OSBPL10: variants seen among roughly 807,000 people sequenced by gnomAD.
OSBPL10 encodes oxysterol binding protein like 10.
In OSBPL10, 49 loss-of-function variants were observed where a neutral mutation model predicts 81.7. The observed-to-expected ratio is 0.60, with a 90% CI of 0.48 to 0.76. OSBPL10 has a LOEUF of 0.76. OSBPL10 is among the 30% of genes least tolerant of loss of function. The probability of loss-of-function intolerance (pLI) is 0.00; values close to 1 mark genes in which losing one functional copy is unlikely to be tolerated. For missense variants in OSBPL10, 923 were observed against 987.8 expected, an observed-to-expected ratio of 0.93 and a Z score of 0.88; for synonymous variants, 419 against 383.6, an observed-to-expected ratio of 1.09 and a Z score of -1.08.
chr3:31,765,983 C>T (rs913859362), intron 4 of OSBPL10, among the ~76,000 whole-genome samples: 8 of 152,112 alleles, frequency 5.3e-5, no homozygotes, highest in South Asian at 2.1e-4. Context: ...GAGATATGGC[C>T]GTCTCTTATT....
intron 4 of OSBPL10, among the ~76,000 whole-genome samples, chr3:31,812,625 GA>G (rs1699709407): frequency 6.6e-6 from 1 of 151,216 alleles, no homozygotes; most frequent in Non-Finnish European, 1.5e-5. Flanking sequence ...CTGTCAGTGA[GA>G]AATCTTCACC....
rs1311224725 is a variant in OSBPL10 at position 32,072,568 on chromosome 3, G to A, written n.185+4828C>T. The stretch of plus-strand genomic sequence containing the variant: ...CATGTAGGTTACAAGCTGCTAGCCC[G>A]CCTCTTAGAACCTCTCATTTCCTTT... On this transcript the variant is annotated intron_variant and non_coding_transcript_variant, in intron 1 of 3. Transcript: ENST00000479173. Among the ~76,000 whole-genome samples, 9 of 151,978 alleles carry A rather than the reference G, an allele frequency of 5.9e-5. No homozygotes were observed. The East Asian group carries it at 1.2e-3, about 20-fold the overall frequency.
intron 1 of OSBPL10, among the ~76,000 whole-genome samples, chr3:31,893,648 GGATA>G (rs1365838058): frequency 3.3e-5 from 5 of 152,168 alleles, no homozygotes; most frequent in Non-Finnish European, 7.3e-5. Flanking sequence ...ACTGGTGAAT[GGATA>G]AAGAAAATGT....
intron 8 of OSBPL10, among the ~76,000 whole-genome samples, chr3:31,683,357 G>A (rs1700702992): frequency 6.6e-6 from 1 of 152,182 alleles, no homozygotes; most frequent in African/African-American, 2.4e-5. Flanking sequence ...CCTGTAAGGT[G>A]TGCACGCACG....
At chr3:31,689,179 A>T (rs906037245) in intron 7 of OSBPL10, among the ~76,000 whole-genome samples, 1 of 152,150 alleles carries the variant, frequency 6.6e-6, no homozygotes, top group African/African-American at 2.4e-5. Context: ...GAAAGCAAAG[A>T]AAACCTGACT....
intron 5 of OSBPL10, among the ~76,000 whole-genome samples, chr3:31,737,213 T>C (rs1019196974): frequency 1.3e-5 from 2 of 152,160 alleles, no homozygotes; most frequent in South Asian, 2.1e-4. Context: ...CCATCTCAGA[T>C]CAGTTCAGCT....
At chr3:31,755,252 G>A (rs1211929216) in intron 4 of OSBPL10, among the ~76,000 whole-genome samples, 2 of 152,178 alleles carry the variant, frequency 1.3e-5, no homozygotes, top group South Asian at 2.1e-4. Flanking sequence ...CTGGGTAGGA[G>A]GGGAGTCTCA....
intron 11 of OSBPL10, chr3:31,662,320 G>A: frequency 4.6e-6 from 6 of 1,302,540 alleles, no homozygotes; most frequent in Non-Finnish European, 4.9e-6. Flanking sequence ...TGGCATGGCA[G>A]GAGGAAACCC....
intron 3 of OSBPL10, among the ~76,000 whole-genome samples, chr3:31,854,667 T>G (rs905272926): frequency 3.3e-5 from 5 of 152,232 alleles, no homozygotes; most frequent in Middle Eastern, 3.2e-3. Context: ...CACGTATCCT[T>G]TACTCGGTTT....
At chr3:31,904,618 C>T (rs1696349885) in intron 1 of OSBPL10, among the ~76,000 whole-genome samples, 1 of 152,150 alleles carries the variant, frequency 6.6e-6, no homozygotes, top group South Asian at 2.1e-4. Context: ...AGTAAAAACA[C>T]AAAACCCAGG....
intron 1 of OSBPL10, among the ~76,000 whole-genome samples, chr3:31,900,042 T>C (rs1696187594): frequency 6.6e-6 from 1 of 151,458 alleles, no homozygotes; most frequent in Non-Finnish European, 1.5e-5. Flanking sequence ...TTTTTTTTTT[T>C]TAAGACAGGG....
intron 2 of OSBPL10, among the ~76,000 whole-genome samples, chr3:31,987,817 C>T (rs150823767): frequency 1.3e-3 from 205 of 152,324 alleles, no homozygotes; most frequent in African/African-American, 4.7e-3. Context: ...AAGACCTATA[C>T]TTCACACTTT....
chr3:31,971,424 G>C (rs144335743), intron 1 of OSBPL10, among the ~76,000 whole-genome samples: 4,696 of 152,246 alleles, frequency 0.031, 237 homozygotes, highest in African/African-American at 0.11. Flanking sequence ...ACAGGCATGA[G>C]CCACTGCACC....
intron 5 of OSBPL10, among the ~76,000 whole-genome samples, chr3:31,736,941 C>A (rs909770451): frequency 6.6e-6 from 1 of 152,200 alleles, no homozygotes; most frequent in African/African-American, 2.4e-5. Flanking sequence ...CTTGCCTAGG[C>A]AATCAGGACA....
intron 4 of OSBPL10, among the ~76,000 whole-genome samples, chr3:31,793,508 G>C (rs889390633): frequency 1.3e-5 from 2 of 152,224 alleles, no homozygotes; most frequent in Non-Finnish European, 2.9e-5. Context: ...TCAATGCTGT[G>C]TAGGTTTAAG....
chr3:31,750,766 AG>A (rs1432574345), intron 4 of OSBPL10, among the ~76,000 whole-genome samples: 2 of 152,198 alleles, frequency 1.3e-5, no homozygotes, highest in African/African-American at 4.8e-5. Context: ...CATAATCTTA[AG>A]ATTTTATTCA....
Position 31,664,067 on chromosome 3 carries a change from C to T in OSBPL10, c.2250+12G>A, listed in dbSNP as rs537126730. The T allele has an allele frequency of 5.5e-5, 88 of 1,614,102 alleles. No homozygotes were observed. Among genetic ancestry groups the T allele is most frequent in the East Asian group, 4.5e-4 (20 of 44,872 alleles). On this transcript the variant is annotated intron_variant, in intron 11 of 11. Transcript: ENST00000396556. Reference sequence around the variant, plus strand: ...TCCTGGGCAAGGGACCAATGACAGGCGGCAGAGTTACCTCCTGGATAAAAT... The same window carrying T: ...TCCTGGGCAAGGGACCAATGACAGGTGGCAGAGTTACCTCCTGGATAAAAT...
chr3:31,769,963 G>A (rs1190545613), intron 4 of OSBPL10, among the ~76,000 whole-genome samples: 1 of 152,082 alleles, frequency 6.6e-6, no homozygotes, highest in Non-Finnish European at 1.5e-5. Flanking sequence ...AAGGGGTTTG[G>A]GAATATCCAC....
At chr3:32,054,522 G>A (rs1213423174) in intron 1 of OSBPL10, among the ~76,000 whole-genome samples, 1 of 127,198 alleles carries the variant, frequency 7.9e-6, no homozygotes, top group African/African-American at 2.9e-5. Context: ...CTGGTCAATG[G>A]TGGCTTTTTT....
Sources: allele counts gnomAD v4.1 joint callset (sites outside exome capture counted in the v4.1 genomes callset), GRCh38; gene constraint gnomAD v4.1.1; transcripts MANE v1.5; gene names NCBI Gene and HGNC (gene_info 2026-07-23, HGNC 2026-07-21).